Variants in DLC1 observed in about 807,000 individuals in gnomAD.
DLC1 encodes the protein rho GTPase-activating protein 7.
A neutral mutation model predicts 140.3 loss-of-function variants in DLC1; 54 were observed. That is an observed-to-expected ratio of 0.38 (90% CI 0.31 to 0.48). DLC1 has a LOEUF of 0.48. Ranked by LOEUF, DLC1 falls within the 20% of genes least tolerant of loss-of-function variation. DLC1 has a pLI of 0.96. For missense variants in DLC1, 2,536 were observed against 1,907.0 expected (o/e 1.33, Z -6.14); for synonymous variants, 986 against 728.1 (o/e 1.35, Z -5.70).
At chr8:13,218,691 A>C (rs1336037111) in intron 5 of DLC1, among the ~76,000 whole-genome samples, 2 of 150,368 alleles carry the variant, frequency 1.3e-5, no homozygotes, top group Non-Finnish European at 3.0e-5. Flanking sequence ...AAAATGATGA[A>C]GTCTTTTGAA....
chr8:13,272,083 T>G (rs1013258708), intron 5 of DLC1, among the ~76,000 whole-genome samples: 2 of 152,210 alleles, frequency 1.3e-5, no homozygotes, highest in African/African-American at 4.8e-5. Flanking sequence ...AGAGAAGAAA[T>G]CCCTTCTTTT....
In DLC1 at chr8:13,508,158, A is replaced by G. The variant is rs544106538; in HGVS notation, c.-126+6444T>C. Among the ~76,000 whole-genome samples, 4 of 152,262 alleles carry G rather than the reference A, an allele frequency of 2.6e-5. No individual in the cohort carries two copies. In the South Asian group the frequency reaches 8.3e-4, roughly 32 times the overall value. ...GCTGCTATTTAATGTCGCTTCCAGTAGTGTCTAATTTTCTTGCAGAGAGGA... is the reference window on the plus strand; with the variant it reads ...GCTGCTATTTAATGTCGCTTCCAGTGGTGTCTAATTTTCTTGCAGAGAGGA... On this transcript the variant is annotated intron_variant, in intron 1 of 17. Transcript: ENST00000276297.
intron 5 of DLC1, among the ~76,000 whole-genome samples, chr8:13,132,787 A>G (rs936886132): frequency 6.6e-6 from 1 of 152,158 alleles, no homozygotes; most frequent in Admixed American, 6.5e-5. Flanking sequence ...CTATCCCCAC[A>G]CCACCTCCAA....
intron 1 of DLC1, among the ~76,000 whole-genome samples, chr8:13,563,732 C>T (rs943910066): frequency 6.6e-6 from 1 of 152,050 alleles, no homozygotes; most frequent in Non-Finnish European, 1.5e-5. Context: ...AAACATATAG[C>T]TAGAAATGTA....
chr8:13,482,968 CTT>C (rs1800803584), intron 2 of DLC1, among the ~76,000 whole-genome samples: 1 of 152,180 alleles, frequency 6.6e-6, no homozygotes, highest in Non-Finnish European at 1.5e-5. Context: ...TCACTACAAA[CTT>C]AACTGTTCTA....
At chr8:13,178,082 A>T (rs957664457) in intron 5 of DLC1, among the ~76,000 whole-genome samples, 5 of 152,186 alleles carry the variant, frequency 3.3e-5, no homozygotes, top group African/African-American at 9.7e-5. Flanking sequence ...GGTCAATCAT[A>T]TATCTGTATA....
At chr8:13,400,540 G>C (rs1837247992) in intron 3 of DLC1, among the ~76,000 whole-genome samples, 1 of 152,028 alleles carries the variant, frequency 6.6e-6, no homozygotes, top group African/African-American at 2.4e-5. Context: ...TATTCTGTGG[G>C]CTGATGTGTG....
intron 4 of DLC1, among the ~76,000 whole-genome samples, chr8:13,364,300 C>CTTTT (rs34178675): frequency 7.1e-6 from 1 of 141,834 alleles, no homozygotes. Context: ...GGTAATGAAA[C>CTTTT]TTTTTTTTTT....
chr8:13,319,821 C>CTTTTTTTTTTTTTTTTT (rs57585674), intron 4 of DLC1, among the ~76,000 whole-genome samples: 1 of 88,978 alleles, frequency 1.1e-5, no homozygotes, highest in Non-Finnish European at 1.9e-5. Flanking sequence ...CTCTCTCTCT[C>CTTTTTTTTTTTTTTTTT]TTTTTTTTTT....
At chr8:13,356,245 A>C (rs1834938434) in intron 4 of DLC1, among the ~76,000 whole-genome samples, 1 of 152,082 alleles carries the variant, frequency 6.6e-6, no homozygotes, top group African/African-American at 2.4e-5. Context: ...TTTCCTCTTG[A>C]ACTTTGAATG....
At chr8:13,398,379 G>T (rs2117238723) in intron 3 of DLC1, among the ~76,000 whole-genome samples, 1 of 152,094 alleles carries the variant, frequency 6.6e-6, no homozygotes, top group Non-Finnish European at 1.5e-5. Context: ...AGAAAATACA[G>T]AATGTTGTGG....
rs777616383 is a variant in DLC1, at chr8:13,100,406, T to A, written c.1931A>T (p.Lys644Met). 2 of 1,614,154 alleles carry A rather than the reference T, an allele frequency of 1.2e-6. No homozygotes were observed. Among genetic ancestry groups the A allele is most frequent in the Non-Finnish European group, 8.5e-7 (1 of 1,180,034 alleles). Residue 644 changes from lysine (K) to methionine (M), a missense_variant, in exon 9 of 18, where the codon AAG becomes ATG. Transcript: ENST00000276297. The part of the protein sequence containing the change: ...DDSFGSLPSP[K>M]ELSSFSFSMK... The stretch of plus-strand genomic sequence containing the variant: ...GCTGAAGCTGAAGCTGGACAGTTCC[T>A]TGGGAGAGGGCAGGCTGCCGAAAGA...
chr8:13,434,031 T>A (rs998208718), intron 2 of DLC1, among the ~76,000 whole-genome samples: 3 of 152,116 alleles, frequency 2.0e-5, no homozygotes, highest in Non-Finnish European at 4.4e-5. Context: ...AATTTTGTTT[T>A]GTTTTGTTTT....
intron 5 of DLC1, among the ~76,000 whole-genome samples, chr8:13,257,230 A>G (rs1001110625): frequency 6.6e-6 from 1 of 151,286 alleles, no homozygotes; most frequent in Non-Finnish European, 1.5e-5. Flanking sequence ...AAAAAAAGGC[A>G]TTTGAAACCA....
intron 7 of DLC1, among the ~76,000 whole-genome samples, chr8:13,104,088 T>A (rs1321459870): frequency 6.6e-6 from 1 of 152,162 alleles, no homozygotes; most frequent in Non-Finnish European, 1.5e-5. Context: ...AAGCCCTCTT[T>A]AATATCCAAT....
At chr8:13,302,808 G>A (rs1185460002) in intron 5 of DLC1, among the ~76,000 whole-genome samples, 3 of 151,550 alleles carry the variant, frequency 2.0e-5, no homozygotes, top group African/African-American at 4.9e-5. Context: ...TGGGTCTCCT[G>A]CCTTCATGGC....
chr8:13,567,683 T>C (rs761645540), intron 1 of DLC1: 23 of 1,551,840 alleles, frequency 1.5e-5, no homozygotes, highest in Admixed American at 2.0e-5. Context: ...CAAGAGAGAA[T>C]AGATGAACAT....
chr8:13,159,256 T>A (rs2128983360), intron 5 of DLC1, among the ~76,000 whole-genome samples: 1 of 152,298 alleles, frequency 6.6e-6, no homozygotes, highest in African/African-American at 2.4e-5. Context: ...GTTCCCAGTT[T>A]CTGCCAAGCT....
At position 13,479,832 on chromosome 8, in the gene DLC1, G is replaced by GAAAAGGAAAAGAAAGAAAGAA. The variant is rs1563383439; in HGVS notation, c.1023+19216_1023+19217insTTCTTTCTTTCTTTTCCTTTT. ...AGAAGAAGAAGAAGAAGAAGAAGAA[G>GAAAAGGAAAAGAAAGAAAGAA]AAGAAGAAGAAGAAGAAGAAGAAGA... On this transcript the variant is annotated intron_variant, in intron 2 of 17. Transcript: ENST00000276297. 9.4e-3 allele frequency among the ~76,000 whole-genome samples: 190 copies of GAAAAGGAAAAGAAAGAAAGAA among 20,108 alleles called. 7 individuals carry two copies. The highest frequency in any genetic ancestry group is 0.024 in the Middle Eastern group (1 of 42). The allele number at this position is 20,108 out of a possible 152,430, so 13.2% of individuals were successfully genotyped here. A position where few individuals can be genotyped will look rare whatever the true frequency, so the allele number is the denominator to read the frequency against.
Sources: gnomAD v4.1 joint callset for allele counts (sites outside exome capture counted in the v4.1 genomes callset) on GRCh38, gnomAD v4.1.1 for gene constraint, MANE v1.5 for transcripts, NCBI Gene and HGNC (gene_info 2026-07-23, HGNC 2026-07-21) for gene names.